Variants in RNF180 observed in about 807,000 individuals in gnomAD.
RNF180 encodes the protein ring finger protein 180, also known as E3 ubiquitin-protein ligase RNF180.
Under a neutral mutation model 59.2 loss-of-function variants are expected in RNF180, and 38 were observed. That is an observed-to-expected ratio of 0.64 (90% CI 0.50 to 0.84). The LOEUF (loss-of-function observed/expected upper bound fraction) is 0.84. Ranked by LOEUF, RNF180 falls within the 40% of genes least tolerant of loss-of-function variation. RNF180 has a pLI of 0.00. For missense variants in RNF180, 705 were observed against 700.9 expected (o/e 1.01, Z -0.07); for synonymous variants, 262 against 240.3 (o/e 1.09, Z -0.84).
Position 64,213,922 on chromosome 5 carries a change from T to C in RNF180, c.596T>C (p.Leu199Pro). 1.2e-6 allele frequency: 2 copies of C among 1,614,084 alleles called. No homozygotes were observed. The highest frequency in any genetic ancestry group is 2.2e-5 in the East Asian group (1 of 44,880). Residue 199 changes from leucine (L) to proline (P), a missense_variant, in exon 4 of 8, where the codon CTG becomes CCG. Coordinates refer to ENST00000389100, the MANE Select transcript of RNF180 (RefSeq NM_001113561.2). ...TYFEMKNEKL[L>P]SKASEPKYQL... is the part of the protein sequence containing the mutation. Reference sequence around the variant, plus strand: ...TTTGAGATGAAGAACGAAAAACTGCTGTCCAAAGCATCAGAACCAAAATAC... The same window carrying C: ...TTTGAGATGAAGAACGAAAAACTGCCGTCCAAAGCATCAGAACCAAAATAC...
At chr5:64,224,890 G>T (rs1472964050) in intron 5 of RNF180, among the ~76,000 whole-genome samples, 1 of 152,202 alleles carries the variant, frequency 6.6e-6, no homozygotes, top group Non-Finnish European at 1.5e-5. Flanking sequence ...CGGCTAGCTT[G>T]CTCTCTTACC....
At chr5:64,293,548 A>C (rs1417361147) in intron 5 of RNF180, among the ~76,000 whole-genome samples, 4 of 151,990 alleles carry the variant, frequency 2.6e-5, no homozygotes, top group Non-Finnish European at 5.9e-5. Flanking sequence ...GTAATCATTA[A>C]ATATATTATT....
intron 7 of RNF180, among the ~76,000 whole-genome samples, chr5:64,332,308 G>A (rs572152132): frequency 4.7e-4 from 72 of 152,288 alleles, no homozygotes; most frequent in Admixed American, 1.7e-3. Flanking sequence ...CTAATAATGC[G>A]TTCATTAGCA....
At chr5:64,300,178 C>G (rs1288514662) in intron 5 of RNF180, among the ~76,000 whole-genome samples, 1 of 151,444 alleles carries the variant, frequency 6.6e-6, no homozygotes, top group Non-Finnish European at 1.5e-5. Flanking sequence ...AATTCTCGAC[C>G]TAATAGGAAA....
intron 5 of RNF180, among the ~76,000 whole-genome samples, chr5:64,300,033 C>T (rs1292231024): frequency 6.6e-6 from 1 of 151,696 alleles, no homozygotes; most frequent in Non-Finnish European, 1.5e-5. Context: ...TTGACTGCCA[C>T]TGTGTCATGG....
chr5:64,200,811 A>G lies in RNF180; in HGVS notation c.4A>G (p.Lys2Glu). The G allele has an allele frequency of 6.2e-7, 1 of 1,611,616 alleles. No homozygotes were observed. The highest frequency in any genetic ancestry group is 8.5e-7 in the Non-Finnish European group (1 of 1,178,452). ...AAATGCACTAATGTTTCCGCAGATG[A>G]AAAGAAGCAAAGAATTGATAACTAA... is the stretch of plus-strand genomic sequence containing the variant. M[K>E]RSKELITKNH... The change falls in exon 2 of 8, where the codon AAA becomes GAA. Residue 2 changes from lysine to glutamate, a missense_variant. Lys to Glu is a moderately conservative substitution (Grantham distance 56). Transcript: ENST00000389100.
chr5:64,255,417 TC>T (rs1464203999), intron 5 of RNF180, among the ~76,000 whole-genome samples: 2 of 152,174 alleles, frequency 1.3e-5, no homozygotes, highest in African/African-American at 2.4e-5. Flanking sequence ...TTCTCATTGT[TC>T]AATTCCCACC....
intron 7 of RNF180, among the ~76,000 whole-genome samples, chr5:64,331,406 A>T (rs113809336): frequency 0.022 from 3,315 of 152,246 alleles, 90 homozygotes; most frequent in African/African-American, 0.056. Flanking sequence ...GCCTATGGCC[A>T]CCCATGAACC....
intron 7 of RNF180, among the ~76,000 whole-genome samples, chr5:64,337,734 C>T (rs1274573834): frequency 6.8e-6 from 1 of 147,178 alleles, no homozygotes; most frequent in Non-Finnish European, 1.5e-5. Flanking sequence ...TCAATTCCCA[C>T]CTATGAGTGA....
intron 1 of RNF180, among the ~76,000 whole-genome samples, chr5:64,175,991 C>T (rs1750210790): frequency 1.3e-5 from 2 of 152,070 alleles, no homozygotes; most frequent in East Asian, 1.9e-4. Flanking sequence ...TTAGTTCTAA[C>T]AGTTTTTTGG....
intron 5 of RNF180, among the ~76,000 whole-genome samples, chr5:64,253,025 A>G: frequency 6.6e-6 from 1 of 152,226 alleles, no homozygotes; most frequent in East Asian, 1.9e-4. Flanking sequence ...AGATACAAGG[A>G]GAGAATCCTG....
At chr5:64,190,511 G>A (rs772765749) in intron 1 of RNF180, among the ~76,000 whole-genome samples, 12 of 152,124 alleles carry the variant, frequency 7.9e-5, no homozygotes, top group Non-Finnish European at 1.3e-4. Context: ...GGAGCTGTTG[G>A]GATGGAGTGG....
At chr5:64,247,640 C>G (rs1379416498) in intron 5 of RNF180, among the ~76,000 whole-genome samples, 2 of 152,176 alleles carry the variant, frequency 1.3e-5, no homozygotes, top group African/African-American at 4.8e-5. Context: ...ACATTCCATG[C>G]TTGTGGATAG....
intron 5 of RNF180, among the ~76,000 whole-genome samples, chr5:64,300,714 C>T (rs1208855959): frequency 2.0e-5 from 3 of 151,744 alleles, no homozygotes; most frequent in African/African-American, 7.2e-5. Flanking sequence ...TAGATTCTCC[C>T]ACTTCTTCCT....
chr5:64,349,891 T>G (rs1745722086), intron 7 of RNF180, among the ~76,000 whole-genome samples: 1 of 152,180 alleles, frequency 6.6e-6, no homozygotes, highest in Admixed American at 6.5e-5. Context: ...AGTGTTGCAA[T>G]AAACATATGT....
chr5:64,310,283 A>G (rs1229597892), intron 5 of RNF180, among the ~76,000 whole-genome samples: 1 of 151,770 alleles, frequency 6.6e-6, no homozygotes, highest in Non-Finnish European at 1.5e-5. Context: ...TATGGCTTAA[A>G]CTATTAAAAG....
In RNF180 at chr5:64,213,654, C is replaced by G. The variant is rs1752434337; in HGVS notation, c.328C>G (p.Leu110Val). Residue 110 changes from leucine to valine, a missense_variant, in exon 4 of 8, where the codon CTT becomes GTT. By Grantham distance (32) the Leu-to-Val change is conservative (BLOSUM62 1). Coordinates refer to ENST00000389100, the MANE Select transcript of RNF180 (RefSeq NM_001113561.2). Reference sequence around the variant, plus strand: ...CACTCCAAAATGTTCCTGTGGCCAGCTTGCAGCTGTACATCTCTCCAAGAG... The same window carrying G: ...CACTCCAAAATGTTCCTGTGGCCAGGTTGCAGCTGTACATCTCTCCAAGAG... ...VSTPKCSCGQ[L>V]AAVHLSKSRT... 6.2e-7 allele frequency: 1 copy of G among 1,614,170 alleles called. No homozygotes were observed. The highest frequency in any genetic ancestry group is 8.5e-7 in the Non-Finnish European group (1 of 1,180,010).
intron 7 of RNF180, among the ~76,000 whole-genome samples, chr5:64,339,957 C>CTCTT (rs1745295053): frequency 6.6e-6 from 1 of 152,130 alleles, no homozygotes; most frequent in Admixed American, 6.6e-5. Flanking sequence ...TGAGCTATCA[C>CTCTT]TCTTTAATCT....
chr5:64,368,525 C>A (rs377437526), intron 7 of RNF180, among the ~76,000 whole-genome samples: 2 of 151,878 alleles, frequency 1.3e-5, no homozygotes, highest in South Asian at 4.1e-4. Context: ...CTTTGCTACC[C>A]TGCCTTTAAT....
Sources: allele counts gnomAD v4.1 joint callset (sites outside exome capture counted in the v4.1 genomes callset), GRCh38; gene constraint gnomAD v4.1.1; transcripts MANE v1.5; gene names NCBI Gene and HGNC (gene_info 2026-07-23, HGNC 2026-07-21).